The following ZFYVE21 variants were observed in gnomAD, a reference collection of about 807,000 sequenced individuals.
The protein encoded by ZFYVE21 is zinc finger FYVE-type containing 21.
ZFYVE21 carries 21 observed loss-of-function variants against 29.5 expected under a neutral mutation model. That is an observed-to-expected ratio of 0.71 (90% CI 0.50 to 1.02). ZFYVE21 has a LOEUF of 1.02. Ranked by LOEUF, ZFYVE21 falls within the 50% of genes least tolerant of loss-of-function variation. The probability of loss-of-function intolerance (pLI) is 0.00; values close to 1 mark genes in which losing one functional copy is unlikely to be tolerated. For missense variants in ZFYVE21, 326 were observed against 335.4 expected (o/e 0.97, Z 0.22); for synonymous variants, 151 against 133.8 (o/e 1.13, Z -0.89).
chr14:103,729,334 C>T (rs573296200), intron 5 of ZFYVE21, 152 bp downstream of exon 5: 6 of 703,626 alleles, frequency 8.5e-6, no homozygotes, highest in African/African-American at 1.8e-5. Flanking sequence ...TTTCGCGGGG[C>T]GTGTATTTAC....
At position 103,716,445 on chromosome 14, in the gene ZFYVE21, C is replaced by T. The variant is rs541238009; in HGVS notation, c.138+466C>T. On this transcript the variant is annotated intron_variant, in intron 1 of 6. Coordinates refer to ENST00000311141, the MANE Select transcript of ZFYVE21 (RefSeq NM_024071.4). The surrounding 1 kb of genome is among the most constrained non-coding windows in gnomAD (Gnocchi z 4.8). ...GCGGAAGCGCTGGAGCTGGCGGCCC[C>T]GCAGGGGTCCCTCCCGGGAACCGGG... 5.9e-5 allele frequency among the ~76,000 whole-genome samples: 9 copies of T among 152,282 alleles called. No homozygotes were observed. In the South Asian group the frequency reaches 1.4e-3, roughly 25 times the overall value.
At chr14:103,724,715 G>A (rs1031974560) in intron 1 of ZFYVE21, 1 of 152,190 alleles carries the variant, frequency 6.6e-6, no homozygotes, top group African/African-American at 2.4e-5. Flanking sequence ...CTCCCAAGAG[G>A]ACCCCTTTGA....
chr14:103,719,941 A>AG (rs2083859496), intron 1 of ZFYVE21, among the ~76,000 whole-genome samples: 1 of 152,288 alleles, frequency 6.6e-6, no homozygotes, highest in Admixed American at 6.5e-5. Context: ...GTCCTGTGGG[A>AG]GGCCAGGCCG....
In ZFYVE21 at chr14:103,727,843, G is replaced by A; in HGVS notation, c.287G>A (p.Cys96Tyr). 6.2e-7 allele frequency: 1 copy of A among 1,613,242 alleles called. No homozygotes were observed. Among genetic ancestry groups the A allele is most frequent in the Non-Finnish European group, 8.5e-7 (1 of 1,179,908 alleles). ...TGCTTTGTGGACCCCGTGCGGCAGT[G>A]CGCGGAGTGCGCCCTCGTGTCCCTC... ...RMCFVDPVRQ[C>Y]AECALVSLKE... The change falls in exon 3 of 7, where the codon TGC becomes TAC. Residue 96 changes from cysteine (C) to tyrosine (Y), a missense_variant. Physicochemically the swap from Cys to Tyr is radical, Grantham distance 194. Transcript: ENST00000311141.
intron 1 of ZFYVE21, among the ~76,000 whole-genome samples, chr14:103,718,422 G>T (rs536808925): frequency 2.0e-5 from 3 of 152,328 alleles, no homozygotes; most frequent in Non-Finnish European, 4.4e-5. Context: ...ACCTTTCTCC[G>T]AGAGGTGGCC....
At chr14:103,718,603 G>A (rs1464904690) in intron 1 of ZFYVE21, among the ~76,000 whole-genome samples, 1 of 151,490 alleles carries the variant, frequency 6.6e-6, no homozygotes, top group Non-Finnish European at 1.5e-5. Context: ...AGCTTCAGAT[G>A]ATCTCTGGGG....
chr14:103,730,416 C>T (rs938985344), intron 5 of ZFYVE21: 2 of 153,016 alleles, frequency 1.3e-5, no homozygotes, highest in Non-Finnish European at 2.9e-5. Flanking sequence ...CGGGGGTCAC[C>T]CCAGGCACCC....
intron 1 of ZFYVE21, among the ~76,000 whole-genome samples, chr14:103,717,434 A>C (rs550457221): frequency 6.6e-6 from 1 of 152,362 alleles, no homozygotes; most frequent in African/African-American, 2.4e-5. Flanking sequence ...CCACCAAAGC[A>C]CAATTTCTTT....
chr14:103,730,229 G>GACCCCTGACTCTCCTGGC (rs2083961875), intron 5 of ZFYVE21: 1 of 231,472 alleles, frequency 4.3e-6, no homozygotes. Context: ...GGCCTCCTGG[G>GACCCCTGACTCTCCTGGC]ACCCCTGACT....
chr14:103,727,571 C>G (rs2083939335), intron 2 of ZFYVE21, 175 bp from the exon 3 acceptor site: 1 of 790,414 alleles, frequency 1.3e-6, no homozygotes, highest in Admixed American at 2.0e-5. Context: ...GAGGCGGATC[C>G]CCGCTGCGTG....
chr14:103,716,450 G>A lies in ZFYVE21; in HGVS notation c.138+471G>A, dbSNP rs959795098. Reference sequence around the variant, plus strand: ...AGCGCTGGAGCTGGCGGCCCCGCAGGGGTCCCTCCCGGGAACCGGGGGAGG... The same window carrying A: ...AGCGCTGGAGCTGGCGGCCCCGCAGAGGTCCCTCCCGGGAACCGGGGGAGG... On this transcript the variant is annotated intron_variant, in intron 1 of 6. Transcript: ENST00000311141. The surrounding 1 kb of genome is among the most constrained non-coding windows in gnomAD (Gnocchi z 4.8). 1.3e-5 allele frequency among the ~76,000 whole-genome samples: 2 copies of A among 152,224 alleles called. No homozygotes were observed. The highest frequency in any genetic ancestry group is 2.9e-5 in the Non-Finnish European group (2 of 68,036).
In ZFYVE21 at chr14:103,722,930, G is replaced by A. The variant is rs187709525; in HGVS notation, c.139-3862G>A. 1.2e-4 allele frequency among the ~76,000 whole-genome samples: 19 copies of A among 152,162 alleles called. No individual in the cohort carries two copies. In the East Asian group the frequency reaches 3.5e-3, roughly 28 times the overall value. On this transcript the variant is annotated intron_variant, in intron 1 of 6. Coordinates refer to ENST00000311141, the MANE Select transcript of ZFYVE21 (RefSeq NM_024071.4). The stretch of plus-strand genomic sequence containing the variant: ...CTCCCAAAGTGCTGGGATTACAGGC[G>A]TGAGCCACTGCTCCAGCAGTGTGGT...
intron 1 of ZFYVE21, among the ~76,000 whole-genome samples, chr14:103,717,716 C>G (rs1201603601): frequency 1.3e-5 from 2 of 152,218 alleles, no homozygotes; most frequent in Admixed American, 6.5e-5. Flanking sequence ...GGATACCCCT[C>G]CAGAGCCCCC....
At chr14:103,731,576 T>TGG (rs2083975043) in intron 5 of ZFYVE21, 1 of 151,950 alleles carries the variant, frequency 6.6e-6, no homozygotes. Context: ...CACTGCTCTC[T>TGG]AGCCTGGGCA....
intron 1 of ZFYVE21, chr14:103,724,654 T>G (rs1276134861): frequency 6.6e-6 from 1 of 152,066 alleles, no homozygotes; most frequent in Non-Finnish European, 1.5e-5. Flanking sequence ...TGATTCTTGG[T>G]CAATATTCAG....
chr14:103,727,166 G>A (rs1175031963), intron 2 of ZFYVE21: 3 of 352,418 alleles, frequency 8.5e-6, no homozygotes, highest in Non-Finnish European at 1.6e-5. Flanking sequence ...GGCTGGTCTC[G>A]AACTCCTGAC....
rs1244602615 is a variant in ZFYVE21, at chr14:103,715,817, C to G, written c.-25C>G. Reference sequence around the variant, plus strand: ...GGGCGAGGGGCCGGGTGCGGGGCCGCTGGCCGAGAGGCTGAGGCGGCGTCA... The same window carrying G: ...GGGCGAGGGGCCGGGTGCGGGGCCGGTGGCCGAGAGGCTGAGGCGGCGTCA... On this transcript the variant is annotated 5_prime_UTR_variant, in exon 1 of 7. Coordinates refer to ENST00000311141, the MANE Select transcript of ZFYVE21 (RefSeq NM_024071.4). The G allele has an allele frequency of 3.0e-6, 4 of 1,340,824 alleles. No homozygotes were observed. The highest frequency in any genetic ancestry group is 2.9e-5 in the Admixed American group (1 of 34,502). 83.1% of individuals were successfully genotyped at this position (1,340,824 alleles called of 1,614,324 possible).
chr14:103,728,345 T>C (rs1034668452), intron 3 of ZFYVE21, among the ~76,000 whole-genome samples: 1 of 152,172 alleles, frequency 6.6e-6, no homozygotes, highest in African/African-American at 2.4e-5. Flanking sequence ...TCCAGGGGCA[T>C]AGGGTGTGCC....
At position 103,716,303 on chromosome 14, in the gene ZFYVE21, C is replaced by T. The variant is rs967088889; in HGVS notation, c.138+324C>T. 2.6e-5 allele frequency among the ~76,000 whole-genome samples: 4 copies of T among 152,174 alleles called. No individual in the cohort carries two copies. The South Asian group carries it at 6.2e-4, about 24-fold the overall frequency. On this transcript the variant is annotated intron_variant, in intron 1 of 6. Transcript: ENST00000311141. This position sits in a 1 kb window ranked among gnomAD's most constrained non-coding sequence, Gnocchi z 4.8. ...GGGTGGGTGCGGCCCTGCCCGAGGC[C>T]GGTTCGTGCTGGGCTAGCGCGTGTG...
Sources: gnomAD v4.1 joint callset for allele counts (sites outside exome capture counted in the v4.1 genomes callset) on GRCh38, gnomAD v4.1.1 for gene constraint, Gnocchi (gnomAD v3.1) non-coding constraint, MANE v1.5 for transcripts, NCBI Gene and HGNC (gene_info 2026-07-23, HGNC 2026-07-21) for gene names.